Variants in PTGFRN observed in about 807,000 individuals in gnomAD.
The protein encoded by PTGFRN is prostaglandin F2 receptor inhibitor, also known as prostaglandin F2 receptor negative regulator.
In PTGFRN, 35 loss-of-function variants were observed where a neutral mutation model predicts 83.2. The observed-to-expected ratio is 0.42, with a 90% CI of 0.32 to 0.56. The LOEUF is 0.56. Ranked by LOEUF, PTGFRN falls within the 20% of genes least tolerant of loss-of-function variation. The pLI, the probability that PTGFRN is intolerant of heterozygous loss-of-function variation, is 0.11. For synonymous variants in PTGFRN, 519 were observed against 498.6 expected, an observed-to-expected ratio of 1.04 and a Z score of -0.55; for missense variants, 1,051 against 1,179.5, an observed-to-expected ratio of 0.89 and a Z score of 1.60.
At position 116,961,435 on chromosome 1, in the gene PTGFRN, G is replaced by C; in HGVS notation, c.1406G>C (p.Gly469Ala). 6.2e-7 allele frequency: 1 copy of C among 1,614,182 alleles called. No individual in the cohort carries two copies. Among genetic ancestry groups the C allele is most frequent in the Non-Finnish European group, 8.5e-7 (1 of 1,180,034 alleles). The change falls in exon 5 of 9, where the codon GGG becomes GCG. Residue 469 changes from glycine to alanine, a missense_variant. Gly to Ala is a moderately conservative substitution (Grantham distance 60). Transcript: ENST00000393203. The surrounding 1 kb of genome is among the most constrained non-coding windows in gnomAD (Gnocchi z 5.4). ...AGCGAGCTGCTTGCAGTCATGGACG[G>C]GGACTGGACGCTAAAATATGGAGAG... Reference protein sequence around the residue: ...VTSELLAVMDGDWTLKYGERS... With the variant: ...VTSELLAVMDADWTLKYGERS...
chr1:116,917,338 C>G (rs188787619), intron 1 of PTGFRN, among the ~76,000 whole-genome samples: 10 of 152,276 alleles, frequency 6.6e-5, no homozygotes, highest in Non-Finnish European at 1.5e-4. Context: ...TAAGCAGGCC[C>G]ACAGGCCAGC....
intron 5 of PTGFRN, among the ~76,000 whole-genome samples, chr1:116,963,960 G>T (rs1650752372): frequency 6.6e-6 from 1 of 150,840 alleles, no homozygotes; most frequent in East Asian, 1.9e-4. Flanking sequence ...ATTTTTTTTT[G>T]GTAGAGACAG....
chr1:116,939,745 A>G (rs564060629), intron 1 of PTGFRN, among the ~76,000 whole-genome samples: 1 of 152,300 alleles, frequency 6.6e-6, no homozygotes, highest in East Asian at 1.9e-4. Flanking sequence ...CCAAACTTTT[A>G]TGCTCTGCTT....
rs983845015 is a variant in PTGFRN, at chr1:116,961,345, C to T, written c.1316C>T (p.Ala439Val). 4 of 1,584,474 alleles carry T rather than the reference C, an allele frequency of 2.5e-6. No homozygotes were observed. Among genetic ancestry groups the T allele is most frequent in the African/African-American group, 2.7e-5 (2 of 74,408 alleles). Residue 439 changes from alanine to valine, a missense_variant, in exon 5 of 9, where the codon GCG (alanine) becomes GTG (valine). Coordinates refer to ENST00000393203, the MANE Select transcript of PTGFRN (RefSeq NM_020440.4). The surrounding 1 kb of genome is among the most constrained non-coding windows in gnomAD (Gnocchi z 5.4). ...CRVVDTKSGE[A>V]NVRFTVSWYY... ...GTGGTGGACACGAAGAGTGGGGAGGCGAATGTCCGATTCACGGTTTCGTGG... is the reference window on the plus strand; with the variant it reads ...GTGGTGGACACGAAGAGTGGGGAGGTGAATGTCCGATTCACGGTTTCGTGG...
intron 7 of PTGFRN, among the ~76,000 whole-genome samples, chr1:116,975,570 T>G (rs1651122408): frequency 6.6e-6 from 1 of 152,198 alleles, no homozygotes; most frequent in Non-Finnish European, 1.5e-5. Flanking sequence ...TTCAGCAATA[T>G]TCGCTGTTCT....
intron 1 of PTGFRN, among the ~76,000 whole-genome samples, chr1:116,921,770 C>T (rs1042674142): frequency 6.6e-6 from 1 of 151,938 alleles, no homozygotes; most frequent in Admixed American, 6.6e-5. Flanking sequence ...TTTTTAAAGG[C>T]TTGGGTGAAT....
chr1:116,973,087 C>G (rs1651050275), intron 6 of PTGFRN, among the ~76,000 whole-genome samples: 1 of 152,098 alleles, frequency 6.6e-6, no homozygotes, highest in Non-Finnish European at 1.5e-5. Context: ...CCACCGTGCT[C>G]AGCTAATTTT....
intron 7 of PTGFRN, among the ~76,000 whole-genome samples, chr1:116,980,061 G>A (rs1025639493): frequency 2.6e-5 from 4 of 152,026 alleles, no homozygotes; most frequent in East Asian, 3.9e-4. Flanking sequence ...AAGGATATGA[G>A]CAGACACTTC....
At chr1:116,969,862 T>C (rs1650942143) in intron 6 of PTGFRN, among the ~76,000 whole-genome samples, 1 of 152,218 alleles carries the variant, frequency 6.6e-6, no homozygotes, top group Non-Finnish European at 1.5e-5. Flanking sequence ...GTAAATAGAA[T>C]TGCTTTCTGA....
chr1:116,916,345 C>G (rs570906793), intron 1 of PTGFRN, among the ~76,000 whole-genome samples: 1 of 152,094 alleles, frequency 6.6e-6, no homozygotes, highest in East Asian at 1.9e-4. Flanking sequence ...CTAAGGGTTC[C>G]GGGCACATTT....
intron 1 of PTGFRN, among the ~76,000 whole-genome samples, chr1:116,939,070 C>G (rs1188726510): frequency 6.6e-6 from 1 of 152,252 alleles, no homozygotes; most frequent in Non-Finnish European, 1.5e-5. Context: ...TACTGCCTCC[C>G]TCCCGGCTGC....
In PTGFRN at chr1:116,963,086, G is replaced by C. The variant is rs566568782; in HGVS notation, c.1639+1418G>C. Among the ~76,000 whole-genome samples, 11 of 152,258 alleles carry C rather than the reference G, an allele frequency of 7.2e-5. No individual in the cohort carries two copies. In the East Asian group the frequency reaches 1.4e-3, roughly 19 times the overall value. On this transcript the variant is annotated intron_variant, in intron 5 of 8. Coordinates refer to ENST00000393203, the MANE Select transcript of PTGFRN (RefSeq NM_020440.4). The stretch of plus-strand genomic sequence containing the variant: ...TAGACTGTGGCCAAACCACAACCCA[G>C]TTCAAAGGCAGCTTTCTGCAGCCTC...
In PTGFRN at chr1:116,978,876, A is replaced by G. The variant is rs542143611; in HGVS notation, c.2167+4553A>G. Among the ~76,000 whole-genome samples the G allele has an allele frequency of 5.3e-5, 8 of 152,208 alleles. No individual in the cohort carries two copies. In the South Asian group the frequency reaches 1.7e-3, roughly 32 times the overall value. On this transcript the variant is annotated intron_variant, in intron 7 of 8. Coordinates refer to ENST00000393203, the MANE Select transcript of PTGFRN (RefSeq NM_020440.4). ...TATTGTTGGAAGTTCTGGCCAGGGC[A>G]ATCAGGCAGGAGAAAGAAATAAAGG...
At chr1:116,980,784 A>G (rs1199885227) in intron 7 of PTGFRN, among the ~76,000 whole-genome samples, 1 of 152,202 alleles carries the variant, frequency 6.6e-6, no homozygotes, top group African/African-American at 2.4e-5. Flanking sequence ...CAGCACACCA[A>G]CATGGCACAT....
intron 3 of PTGFRN, 56 bp downstream of exon 3, chr1:116,945,148 T>C (rs1262180855): frequency 2.5e-5 from 39 of 1,540,288 alleles, no homozygotes; most frequent in Non-Finnish European, 3.4e-5. Context: ...ATGATAGTGA[T>C]ACAAAGAACC....
chr1:116,947,660 T>C (rs973760788), intron 3 of PTGFRN, among the ~76,000 whole-genome samples: 33 of 152,368 alleles, frequency 2.2e-4, no homozygotes, highest in African/African-American at 7.0e-4. Flanking sequence ...GACTCCCTCC[T>C]GAGTCGTCTT....
At position 116,966,999 on chromosome 1, in the gene PTGFRN, G is replaced by T. The variant is rs4381168; in HGVS notation, c.1728G>T (p.Lys576Asn). 4 of 1,614,108 alleles carry T rather than the reference G, an allele frequency of 2.5e-6. No individual in the cohort carries two copies. Among genetic ancestry groups the T allele is most frequent in the East Asian group, 2.2e-5 (1 of 44,882 alleles). ...AGATGACTTGCAAAGTATCTTCCAA[G>T]AATATTAAGTCGCCACGCTACTCTG... ...TFEMTCKVSS[K>N]NIKSPRYSVL... The change falls in exon 6 of 9, where the codon AAG becomes AAT. Residue 576 changes from lysine (K) to asparagine (N), a missense_variant. By Grantham distance (94) the Lys-to-Asn change is moderately conservative. This residue lies in a region of PTGFRN where 719 missense variants were observed against 836.6 expected (regional missense o/e 0.86). Coordinates refer to ENST00000393203, the MANE Select transcript of PTGFRN (RefSeq NM_020440.4).
At chr1:116,912,013 G>A (rs1649284962) in intron 1 of PTGFRN, among the ~76,000 whole-genome samples, 1 of 152,208 alleles carries the variant, frequency 6.6e-6, no homozygotes, top group South Asian at 2.1e-4. Context: ...TCCCCCTAGA[G>A]CTGTGCAGTT....
In PTGFRN at chr1:116,923,477, G is replaced by A. The variant is rs932492161; in HGVS notation, c.49+13225G>A. ...CATTCTTCTTCCTGTGGATTTTCTC[G>A]TTTTTTTCCTTGGCAGCTTGGGTGG... is the stretch of plus-strand genomic sequence containing the variant. On this transcript the variant is annotated intron_variant, in intron 1 of 8. Coordinates refer to ENST00000393203, the MANE Select transcript of PTGFRN (RefSeq NM_020440.4). The surrounding 1 kb of genome is among the most constrained non-coding windows in gnomAD (Gnocchi z 4.0). 2.0e-5 allele frequency among the ~76,000 whole-genome samples: 3 copies of A among 152,072 alleles called. No individual in the cohort carries two copies. The highest frequency in any genetic ancestry group is 4.4e-5 in the Non-Finnish European group (3 of 68,008).
Sources: gnomAD v4.1 joint callset for allele counts (sites outside exome capture counted in the v4.1 genomes callset) on GRCh38, gnomAD v4.1.1 for gene constraint, gnomAD v4.1.1 regional missense constraint, Gnocchi (gnomAD v3.1) non-coding constraint, MANE v1.5 for transcripts, NCBI Gene and HGNC (gene_info 2026-07-23, HGNC 2026-07-21) for gene names.